The following STK36 variants were observed in gnomAD, a reference collection of about 807,000 sequenced individuals.
STK36 encodes the protein serine/threonine kinase 36.
A neutral mutation model predicts 142.2 loss-of-function variants in STK36; 116 were observed. The ratio of observed to expected loss-of-function variants is 0.82; its 90% confidence interval spans 0.70 to 0.95. The LOEUF (loss-of-function observed/expected upper bound fraction) is 0.95. STK36 is among the 40% of genes least tolerant of loss of function. The probability of loss-of-function intolerance (pLI) is 0.00; values close to 1 mark genes in which losing one functional copy is unlikely to be tolerated. For synonymous variants in STK36, 619 were observed against 641.7 expected, an observed-to-expected ratio of 0.96 and a Z score of 0.53; for missense variants, 1,422 against 1,617.2, an observed-to-expected ratio of 0.88 and a Z score of 2.07.
Position 218,672,902 on chromosome 2 carries a change from T to C in STK36, c.73T>C (p.Tyr25His), listed in dbSNP as rs1438733457. The change falls in exon 2 of 27, where the codon TAC (tyrosine) becomes CAC (histidine). Residue 25 changes from tyrosine (Y) to histidine (H), a missense_variant. Physicochemically the swap from Tyr to His is moderately conservative, Grantham distance 83 (BLOSUM62 2). Around this residue, in one of 2 missense-constraint regions of STK36, gnomAD observed 460 missense variants for 449.6 expected, o/e 1.02. Coordinates refer to ENST00000295709, the MANE Select transcript of STK36 (RefSeq NM_015690.5). The part of the protein sequence containing the change: ...FGRVYKGRRK[Y>H]SAQVVALKFI... ...GAGGGTGTACAAGGGTCGAAGAAAA[T>C]ACAGTGCTCAGGTGTTGCACAAAGA... is the stretch of plus-strand genomic sequence containing the variant. 6 of 1,613,952 alleles carry C rather than the reference T, an allele frequency of 3.7e-6. No homozygotes were observed. In the South Asian group the frequency reaches 6.6e-5, roughly 18 times the overall value.
At chr2:218,680,759 TAG>T in intron 10 of STK36, 57 bp downstream of exon 10, 1 of 1,478,626 alleles carries the variant, frequency 6.8e-7, no homozygotes, top group Non-Finnish European at 9.3e-7. Context: ...TAAGTCTAGG[TAG>T]ATGTTTTTCT....
intron 13 of STK36, 59 bp downstream of exon 13, chr2:218,690,015 T>A: frequency 6.8e-7 from 1 of 1,476,996 alleles, no homozygotes; most frequent in Non-Finnish European, 9.3e-7. Context: ...CTACCCCAAG[T>A]GCCCTTCCCA....
At chr2:218,696,394 A>C in intron 21 of STK36, 133 bp from the exon 22 acceptor site, 1 of 729,740 alleles carries the variant, frequency 1.4e-6, no homozygotes, top group Non-Finnish European at 2.4e-6. Flanking sequence ...TGGTTCCCCC[A>C]GGCCCCATAT....
chr2:218,673,998 C>T lies in STK36; in HGVS notation c.303+42C>T, dbSNP rs757639312. The T allele has an allele frequency of 7.0e-6, 11 of 1,580,554 alleles. No individual in the cohort carries two copies. In the Admixed American group the frequency reaches 8.9e-5, roughly 13 times the overall value. On this transcript the variant is annotated intron_variant, in intron 4 of 26. Coordinates refer to ENST00000295709, the MANE Select transcript of STK36 (RefSeq NM_015690.5). ...CAACTTCTCCCCACCTCCGACCTCTCTCCAGGTTAGAGAACTGGTAGAGCA... is the reference window on the plus strand; with the variant it reads ...CAACTTCTCCCCACCTCCGACCTCTTTCCAGGTTAGAGAACTGGTAGAGCA...
At chr2:218,673,841 A>C in intron 3 of STK36, 38 bp from the exon 4 acceptor site, 1 of 1,614,190 alleles carries the variant, frequency 6.2e-7, no homozygotes, top group Non-Finnish European at 8.5e-7. Flanking sequence ...AGAATGCATG[A>C]ATCTGGAGCC....
rs148992147 is a variant in STK36 at position 218,693,075 on chromosome 2, C to T, written c.2044-165C>T. Among the ~76,000 whole-genome samples the T allele has an allele frequency of 7.9e-3, 1,207 of 152,298 alleles. 11 individuals carry two copies. The highest frequency in any genetic ancestry group is 0.027 in the African/African-American group (1,136 of 41,558). On this transcript the variant is annotated intron_variant, in intron 16 of 26. Transcript: ENST00000295709. ...CCAAACTAGGCCATGACTTTTGGTT[C>T]TCTATTGGTGATGAAGACTGGGAAT...
At chr2:218,672,956 C>T in intron 2 of STK36, 43 bp downstream of exon 2, 1 of 1,558,914 alleles carries the variant, frequency 6.4e-7, no homozygotes, top group Non-Finnish European at 8.8e-7. Flanking sequence ...GATTTGGTAC[C>T]CCCAACTCCA....
rs375061945 is a variant in STK36, at chr2:218,673,908, A to G, written c.255A>G (p.Gly85=). 5.6e-6 allele frequency: 9 copies of G among 1,614,022 alleles called. No individual in the cohort carries two copies. The highest frequency in any genetic ancestry group is 7.6e-6 in the Non-Finnish European group (9 of 1,180,034). ...EVVVVTDYAE[G]ELFQILEDDG... ...TGGTGGTGACAGACTATGCTGAGGG[A>G]GAGCTCTTTCAGATCCTAGAAGATG... Residue 85 remains glycine (G), a synonymous_variant, in exon 4 of 27, where the codon GGA becomes GGG. Coordinates refer to ENST00000295709, the MANE Select transcript of STK36 (RefSeq NM_015690.5).
chr2:218,676,320 C>T (rs368691929), intron 6 of STK36, 42 bp downstream of exon 6: 3 of 1,607,352 alleles, frequency 1.9e-6, no homozygotes, highest in Non-Finnish European at 2.6e-6. Context: ...CATTAGAAAT[C>T]TGTCTCCCTC....
rs1940238707 is a variant in STK36, at chr2:218,676,248, C to T, written c.654C>T (p.Arg218=). Residue 218 remains arginine, a synonymous_variant, in exon 6 of 27, where the codon CGC becomes CGT. Coordinates refer to ENST00000295709, the MANE Select transcript of STK36 (RefSeq NM_015690.5). ...GCCTCATTCTCAAGGACCCTGTGCG[C>T]TGGCCCTCAACCATCAGTCCCTGCT... ...LVSLILKDPV[R]WPSTISPCFK... 1 of 1,614,224 alleles carries T rather than the reference C, an allele frequency of 6.2e-7. No individual in the cohort carries two copies. The highest frequency in any genetic ancestry group is 1.3e-5 in the African/African-American group (1 of 75,056).
chr2:218,685,469 A>G (rs904212751), intron 11 of STK36, among the ~76,000 whole-genome samples: 4 of 152,184 alleles, frequency 2.6e-5, no homozygotes, highest in African/African-American at 4.8e-5. Flanking sequence ...GATGATAAAT[A>G]TTTTAGGCAT....
At chr2:218,676,709 C>T (rs914690454) in intron 6 of STK36, among the ~76,000 whole-genome samples, 4 of 145,086 alleles carry the variant, frequency 2.8e-5, no homozygotes, top group East Asian at 2.0e-4. Context: ...AGTGTAGTGG[C>T]GTGATCTTGG....
intron 10 of STK36, 126 bp downstream of exon 10, chr2:218,680,828 C>A: frequency 3.0e-6 from 2 of 669,658 alleles, no homozygotes; most frequent in South Asian, 2.2e-5. Flanking sequence ...AAAAGTATTG[C>A]TTTATTATTA....
At chr2:218,690,377 G>A in intron 13 of STK36, 73 bp from the exon 14 acceptor site, 1 of 1,239,612 alleles carries the variant, frequency 8.1e-7, no homozygotes, top group South Asian at 1.2e-5. Context: ...TACCTGCCCA[G>A]GACTGACCCA....
intron 12 of STK36, 60 bp downstream of exon 12, chr2:218,688,936 T>C: frequency 6.8e-7 from 1 of 1,470,282 alleles, no homozygotes; most frequent in Non-Finnish European, 9.1e-7. Context: ...TGGATTTATC[T>C]CATTCAGATT....
chr2:218,679,984 C>T lies in STK36; in HGVS notation c.1040C>T (p.Thr347Ile), dbSNP rs1940439536. The T allele has an allele frequency of 1.2e-6, 2 of 1,614,186 alleles. No individual in the cohort carries two copies. Among genetic ancestry groups the T allele is most frequent in the Non-Finnish European group, 1.7e-6 (2 of 1,180,022 alleles). ...GTAPLPRLGA[T>I]PQESSLLAGI... ...GCCCCTCTGCCCAGACTCGGGGCCA[C>T]TCCTCAGGAATCAAGCCTCCTGGCC... Residue 347 changes from threonine to isoleucine, a missense_variant, in exon 9 of 27, where the codon ACT becomes ATT. By Grantham distance (89) the Thr-to-Ile change is moderately conservative. Coordinates refer to ENST00000295709, the MANE Select transcript of STK36 (RefSeq NM_015690.5).
intron 25 of STK36, 125 bp from the exon 26 acceptor site, chr2:218,698,477 G>A (rs370367183): frequency 1.6e-6 from 2 of 1,212,476 alleles, no homozygotes. Context: ...CTGTGGGGCA[G>A]GACTTCCAGC....
Position 218,697,993 on chromosome 2 carries a change from C to G in STK36, c.3049C>G (p.Leu1017Val). Residue 1017 changes from leucine (L) to valine (V), a missense_variant, in exon 25 of 27, where the codon CTG (leucine) becomes GTG (valine). Leu to Val is a conservative substitution (Grantham distance 32). Around this residue, in one of 2 missense-constraint regions of STK36, gnomAD observed 962 missense variants for 1,167.5 expected, o/e 0.82. Transcript: ENST00000295709. The part of the protein sequence containing the change: ...DLRDSEVAAH[L>V]LQVCCYHLPL... ...CAGGGACTCAGAAGTTGCAGCCCATCTGCTGCAGGTACTTGGGCAGCTAGC... is the reference window on the plus strand; with the variant it reads ...CAGGGACTCAGAAGTTGCAGCCCATGTGCTGCAGGTACTTGGGCAGCTAGC... 3 of 1,614,194 alleles carry G rather than the reference C, an allele frequency of 1.9e-6. No homozygotes were observed. The highest frequency in any genetic ancestry group is 1.7e-6 in the Non-Finnish European group (2 of 1,180,042).
At chr2:218,687,139 A>G (rs575120559) in intron 11 of STK36, among the ~76,000 whole-genome samples, 2 of 152,214 alleles carry the variant, frequency 1.3e-5, no homozygotes, top group Admixed American at 6.5e-5. Context: ...ACTTCTTTGT[A>G]TATTGTCAAC....
Sources: gnomAD v4.1 joint callset for allele counts (sites outside exome capture counted in the v4.1 genomes callset) on GRCh38, gnomAD v4.1.1 for gene constraint, gnomAD v4.1.1 regional missense constraint, MANE v1.5 for transcripts, NCBI Gene and HGNC (gene_info 2026-07-23, HGNC 2026-07-21) for gene names.